Variants in ANGPTL6 observed in about 807,000 individuals in gnomAD.
ANGPTL6 encodes angiopoietin like 6.
ANGPTL6 carries 45 observed loss-of-function variants against 47.4 expected under a neutral mutation model. The observed-to-expected ratio is 0.95, with a 90% CI of 0.75 to 1.22. ANGPTL6 has a LOEUF of 1.22. ANGPTL6 is among the 50% of genes most tolerant of loss of function. The probability of loss-of-function intolerance (pLI) is 0.00; values close to 1 mark genes in which losing one functional copy is unlikely to be tolerated. For missense variants in ANGPTL6, 698 were observed against 669.4 expected, an observed-to-expected ratio of 1.04 and a Z score of -0.47; for synonymous variants, 290 against 295.9, an observed-to-expected ratio of 0.98 and a Z score of 0.20.
intron 1 of ANGPTL6, among the ~76,000 whole-genome samples, chr19:10,099,620 T>A (rs1027073081): frequency 2.1e-5 from 3 of 146,062 alleles, no homozygotes; most frequent in Non-Finnish European, 3.0e-5. Flanking sequence ...ATCTGCCATA[T>A]CCCCTTCTGC....
At position 10,095,978 on chromosome 19, in the gene ANGPTL6, T is replaced by C. The variant is rs749300311; in HGVS notation, c.582+4A>G. The C allele has an allele frequency of 3.0e-6, 4 of 1,319,104 alleles. No homozygotes were observed. Among genetic ancestry groups the C allele is most frequent in the Non-Finnish European group, 3.9e-6 (4 of 1,031,084 alleles). The allele number at this position is 1,319,104 out of a possible 1,614,324, so 81.7% of individuals were successfully genotyped here. On this transcript the variant is annotated splice_donor_region_variant and intron_variant, in intron 2 of 5. Coordinates refer to ENST00000253109, the MANE Select transcript of ANGPTL6 (RefSeq NM_031917.3). Reference sequence around the variant, plus strand: ...GCTGCTCTCCGGGGAGGCTGCGAGGTTACCTGCTGCTGCCCGCCCGCGCCT... The same window carrying C: ...GCTGCTCTCCGGGGAGGCTGCGAGGCTACCTGCTGCTGCCCGCCCGCGCCT...
chr19:10,092,376 C>T lies in ANGPTL6; in HGVS notation c.*213G>A. 1.3e-6 allele frequency: 2 copies of T among 1,532,400 alleles called. No individual in the cohort carries two copies. The highest frequency in any genetic ancestry group is 1.7e-6 in the Non-Finnish European group (2 of 1,143,312). 94.9% of individuals were successfully genotyped at this position (1,532,400 alleles called of 1,614,324 possible). On this transcript the variant is annotated 3_prime_UTR_variant, in exon 6 of 6. Transcript: ENST00000253109. ...TGTTATTATAAGATATGAGCTCAAA[C>T]CGAGATATGAATGACCTTGGGGAGC...
In ANGPTL6 at chr19:10,096,372, C is replaced by T. The variant is rs376808065; in HGVS notation, c.192G>A (p.Ala64=). 3,644 of 1,296,414 alleles carry T rather than the reference C, an allele frequency of 2.8e-3. 122 individuals are homozygous for T. The South Asian group carries it at 0.049, about 17-fold the overall frequency. 80.3% of individuals were successfully genotyped at this position (1,296,414 alleles called of 1,614,324 possible). Residue 64 remains alanine (A), a synonymous_variant, in exon 2 of 6, where the codon GCG becomes GCA. Transcript: ENST00000253109. ...PEAANASELA[A]LRMRVGRHEE... is the part of the protein sequence containing the mutation. ...CGTGGCGGCCGACGCGCATGCGCAG[C>T]GCCGCCAGCTCGCTGGCGTTGGCGG...
upstream of ANGPTL6, among the ~76,000 whole-genome samples, chr19:10,104,317 G>GTGTGTGT (rs60395358): frequency 0.012 from 1,435 of 118,012 alleles, 21 homozygotes; most frequent in African/African-American, 0.035. Flanking sequence ...TTGTGTGTGT[G>GTGTGTGT]GTGTGTGTGT....
At chr19:10,102,441 T>G in intron 1 of ANGPTL6, 127 bp downstream of exon 1, 1 of 506,832 alleles carries the variant, frequency 2.0e-6, no homozygotes, top group Non-Finnish European at 2.5e-6. Context: ...GACGTGTGTA[T>G]AACACCCGCT....
intron 1 of ANGPTL6, among the ~76,000 whole-genome samples, chr19:10,099,177 C>T (rs1395130145): frequency 6.6e-6 from 1 of 152,154 alleles, no homozygotes. Flanking sequence ...AGCCAGAGGG[C>T]GCCTGTGAAC....
chr19:10,103,974 T>C (rs964763155), upstream of ANGPTL6, among the ~76,000 whole-genome samples: 2 of 146,990 alleles, frequency 1.4e-5, no homozygotes, highest in African/African-American at 5.1e-5. Flanking sequence ...ATGCCTGTAA[T>C]CCCAGCTACT....
rs1027901695 is a variant in ANGPTL6 at position 10,096,265 on chromosome 19, C to T, written c.299G>A (p.Ser100Asn). Reference protein sequence around the residue: ...AGEVRALRKESRGLSARLGQL... With the variant: ...AGEVRALRKENRGLSARLGQL... ...GCCCAGGCGCGCGCTCAGGCCGCGGCTCTCCTTGCGCAGCGCGCGCACCTC... is the reference window on the plus strand; with the variant it reads ...GCCCAGGCGCGCGCTCAGGCCGCGGTTCTCCTTGCGCAGCGCGCGCACCTC... The change falls in exon 2 of 6, where the codon AGC (serine) becomes AAC (asparagine). Residue 100 changes from serine (S) to asparagine (N), a missense_variant. Coordinates refer to ENST00000253109, the MANE Select transcript of ANGPTL6 (RefSeq NM_031917.3). The T allele has an allele frequency of 1.6e-4, 190 of 1,192,868 alleles. 2 individuals carry two copies. The Admixed American group carries it at 8.4e-3, about 52-fold the overall frequency. The allele number at this position is 1,192,868 out of a possible 1,614,324, so 73.9% of individuals were successfully genotyped here.
intron 1 of ANGPTL6, among the ~76,000 whole-genome samples, chr19:10,098,117 G>A (rs2088592139): frequency 6.6e-6 from 1 of 151,812 alleles, no homozygotes; most frequent in Middle Eastern, 3.2e-3. Flanking sequence ...GTCTCCCCTG[G>A]CCTCAAGTGA....
chr19:10,096,213 C>G lies in ANGPTL6; in HGVS notation c.351G>C (p.Glu117Asp). 1 of 1,211,544 alleles carries G rather than the reference C, an allele frequency of 8.3e-7. No individual in the cohort carries two copies. The highest frequency in any genetic ancestry group is 1.0e-6 in the Non-Finnish European group (1 of 975,354). 75.0% of individuals were successfully genotyped at this position (1,211,544 alleles called of 1,614,324 possible). Reference sequence around the variant, plus strand: ...CCCCCGGGCCCGCCCCGGGCCCCGCCTCGTGCTGCAGCTGCGCGCGCAACT... The same window carrying G: ...CCCCCGGGCCCGCCCCGGGCCCCGCGTCGTGCTGCAGCTGCGCGCGCAACT... ...LGQLRAQLQH[E>D]AGPGAGPGAD... The change falls in exon 2 of 6, where the codon GAG (glutamate) becomes GAC (aspartate). Residue 117 changes from glutamate to aspartate, a missense_variant. Transcript: ENST00000253109.
intron 1 of ANGPTL6, among the ~76,000 whole-genome samples, chr19:10,100,199 C>CGCA (rs2088648280): frequency 1.3e-5 from 2 of 151,726 alleles, no homozygotes; most frequent in African/African-American, 4.8e-5. Flanking sequence ...GAGCTGAGAC[C>CGCA]GCACCACTGC....
At chr19:10,094,363 G>T (rs2088474937) in intron 3 of ANGPTL6, among the ~76,000 whole-genome samples, 2 of 152,100 alleles carry the variant, frequency 1.3e-5, no homozygotes, top group Admixed American at 6.5e-5. Context: ...AGCCAGGATG[G>T]TCTTGATCTC....
In ANGPTL6 at chr19:10,094,687, A is replaced by T. The variant is rs1437325378; in HGVS notation, c.763+71T>A. On this transcript the variant is annotated intron_variant, in intron 3 of 5. Transcript: ENST00000253109. ...CTTCTGGTCTTCTCACAATGAGAGA[A>T]ATCTGCCACTAAAATCCTGACTCCT... 8 of 1,575,546 alleles carry T rather than the reference A, an allele frequency of 5.1e-6. No homozygotes were observed. The Admixed American group carries it at 1.3e-4, about 26-fold the overall frequency.
chr19:10,101,232 C>T (rs2088670124), intron 1 of ANGPTL6, among the ~76,000 whole-genome samples: 1 of 151,414 alleles, frequency 6.6e-6, no homozygotes, highest in Admixed American at 6.6e-5. Context: ...ATAGAGGAGT[C>T]AGGAAAGGCC....
chr19:10,096,188 CCCCCGGGCCCG>C lies in ANGPTL6; in HGVS notation c.365_375del (p.Ala122GlyfsTer87), dbSNP rs974829691. 9.1e-5 allele frequency: 114 copies of C among 1,247,782 alleles called. No individual in the cohort carries two copies. The highest frequency in any genetic ancestry group is 1.1e-4 in the Non-Finnish European group (108 of 996,652). 77.3% of individuals were successfully genotyped at this position (1,247,782 alleles called of 1,614,324 possible). On this transcript the variant is annotated frameshift_variant, in exon 2 of 6. Coordinates refer to ENST00000253109, the MANE Select transcript of ANGPTL6 (RefSeq NM_031917.3). LOFTEE classifies it high-confidence loss of function. ...GCGGCAGGCTCCGCCCCCAGATCCG[CCCCCGGGCCCG>C]CCCCGGGCCCCGCCTCGTGCTGCAG... is the stretch of plus-strand genomic sequence containing the variant.
intron 5 of ANGPTL6, chr19:10,093,000 A>G (rs2088431521): frequency 2.0e-6 from 1 of 495,378 alleles, no homozygotes; most frequent in Non-Finnish European, 3.5e-6. Flanking sequence ...ACCAAAGTAC[A>G]AGTCACATCT....
At chr19:10,094,384 G>C in intron 3 of ANGPTL6, 2 of 279,792 alleles carry the variant, frequency 7.1e-6, no homozygotes, top group Non-Finnish European at 1.4e-5. Flanking sequence ...CTGACCTCGT[G>C]ATCCACCCGC....
At chr19:10,100,149 T>C (rs2088647164) in intron 1 of ANGPTL6, among the ~76,000 whole-genome samples, 1 of 151,446 alleles carries the variant, frequency 6.6e-6, no homozygotes, top group African/African-American at 2.4e-5. Flanking sequence ...CTCGGGAGGC[T>C]GAGGCAGAAG....
chr19:10,093,536 C>T lies in ANGPTL6; in HGVS notation c.1035G>A (p.Leu345=). 6.2e-7 allele frequency: 1 copy of T among 1,614,138 alleles called. No homozygotes were observed. Among genetic ancestry groups the T allele is most frequent in the Non-Finnish European group, 8.5e-7 (1 of 1,180,014 alleles). The part of the protein sequence containing the change: ...YQLTSRGDHE[L]LVLLEDWGGR... ...CCCCCCAGTCCTCCAGGAGAACCAG[C>T]AGCTCATGGTCCCCACGGCTGGTCA... Residue 345 remains leucine, a synonymous_variant, in exon 5 of 6, where the codon CTG becomes CTA. Transcript: ENST00000253109.
Sources: gnomAD v4.1 joint callset for allele counts (sites outside exome capture counted in the v4.1 genomes callset) on GRCh38, gnomAD v4.1.1 for gene constraint, MANE v1.5 for transcripts, NCBI Gene and HGNC (gene_info 2026-07-23, HGNC 2026-07-21) for gene names.